Variants in SPHKAP observed in about 807,000 individuals in gnomAD.
SPHKAP encodes the protein A-kinase anchor protein SPHKAP.
A neutral mutation model predicts 137.5 loss-of-function variants in SPHKAP; 67 were observed. The ratio of observed to expected loss-of-function variants is 0.49; its 90% CI spans 0.40 to 0.60. The LOEUF (loss-of-function observed/expected upper bound fraction) is 0.60, where lower values mean the gene tolerates loss of function less well. Among genes scored for constraint, SPHKAP ranks in the 20% least tolerant of loss-of-function variants. The probability of loss-of-function intolerance (pLI) is 0.00; values close to 1 mark genes in which losing one functional copy is unlikely to be tolerated. For synonymous variants in SPHKAP, 813 were observed against 785.3 expected, an observed-to-expected ratio of 1.04 and a Z score of -0.59; for missense variants, 2,097 against 2,069.3, an observed-to-expected ratio of 1.01 and a Z score of -0.26.
At chr2:228,162,887 T>C (rs1230001992) in intron 1 of SPHKAP, among the ~76,000 whole-genome samples, 1 of 152,082 alleles carries the variant, frequency 6.6e-6, no homozygotes, top group African/African-American at 2.4e-5. Context: ...TTAGTAGAGA[T>C]GGGGTTTCAC....
At chr2:228,100,127 A>C (rs557933886) in intron 3 of SPHKAP, among the ~76,000 whole-genome samples, 1 of 152,116 alleles carries the variant, frequency 6.6e-6, no homozygotes, top group Non-Finnish European at 1.5e-5. Context: ...TGGGATTACA[A>C]GCGTGAGCCA....
chr2:227,982,415 G>T, intron 11 of SPHKAP: 1 of 964,270 alleles, frequency 1.0e-6, no homozygotes, highest in Non-Finnish European at 1.2e-6. Flanking sequence ...ACAGGATCAG[G>T]AAAGATGGAG....
intron 3 of SPHKAP, among the ~76,000 whole-genome samples, chr2:228,037,795 G>A (rs1313552753): frequency 6.6e-6 from 1 of 152,120 alleles, no homozygotes; most frequent in Non-Finnish European, 1.5e-5. Context: ...CTGTCCCAAG[G>A]GCCTTGAAAC....
intron 1 of SPHKAP, among the ~76,000 whole-genome samples, chr2:228,161,754 G>A (rs906601635): frequency 4.6e-5 from 7 of 150,772 alleles, no homozygotes; most frequent in African/African-American, 1.7e-4. Context: ...TTGCTTAGAA[G>A]TACAAATCCA....
In SPHKAP at chr2:228,132,059, T is replaced by G. The variant is rs762801081; in HGVS notation, c.59A>C (p.Asp20Ala). Reference protein sequence around the residue: ...PSNLESSRMYDVLEPQQGRGC... With the variant: ...PSNLESSRMYAVLEPQQGRGC... Reference sequence around the variant, plus strand: ...TCTGCCCTGCTGCGGTTCCAAAACGTCATACATCCGTGATGACTCCAAGTT... The same window carrying G: ...TCTGCCCTGCTGCGGTTCCAAAACGGCATACATCCGTGATGACTCCAAGTT... Residue 20 changes from aspartate (D) to alanine (A), a missense_variant, in exon 2 of 12, where the codon GAC (aspartate) becomes GCC (alanine). Asp to Ala is a moderately radical substitution (Grantham distance 126). Transcript: ENST00000392056. 8.1e-6 allele frequency: 13 copies of G among 1,613,886 alleles called. No individual in the cohort carries two copies. Among genetic ancestry groups the G allele is most frequent in the Non-Finnish European group, 1.0e-5 (12 of 1,179,980 alleles).
intron 7 of SPHKAP, among the ~76,000 whole-genome samples, chr2:228,015,691 C>G (rs1340419179): frequency 6.6e-6 from 1 of 152,146 alleles, no homozygotes; most frequent in African/African-American, 2.4e-5. Context: ...AATAACAATA[C>G]TTCAGTGTTG....
At chr2:228,116,028 C>T (rs559792266) in intron 2 of SPHKAP, among the ~76,000 whole-genome samples, 11 of 152,244 alleles carry the variant, frequency 7.2e-5, no homozygotes, top group Middle Eastern at 3.4e-3. Flanking sequence ...AATGAGCCTT[C>T]ATCAGACACT....
At chr2:228,043,110 A>G (rs528516038) in intron 3 of SPHKAP, among the ~76,000 whole-genome samples, 4 of 152,234 alleles carry the variant, frequency 2.6e-5, no homozygotes, top group African/African-American at 9.6e-5. Context: ...AATTTCAAAA[A>G]TGAATAATGC....
intron 1 of SPHKAP, among the ~76,000 whole-genome samples, chr2:228,151,672 T>G (rs577696516): frequency 2.2e-4 from 33 of 152,298 alleles, no homozygotes; most frequent in Admixed American, 7.2e-4. Context: ...TTTGATAGTT[T>G]AAAAAAATTT....
intron 2 of SPHKAP, among the ~76,000 whole-genome samples, chr2:228,119,351 G>A (rs1024796308): frequency 6.6e-6 from 1 of 152,082 alleles, no homozygotes; most frequent in African/African-American, 2.4e-5. Flanking sequence ...AGCATTCTAA[G>A]AGTCTACAAA....
At chr2:228,109,588 T>C (rs1698452122) in intron 2 of SPHKAP, among the ~76,000 whole-genome samples, 2 of 152,214 alleles carry the variant, frequency 1.3e-5, no homozygotes, top group Non-Finnish European at 2.9e-5. Flanking sequence ...TCTTGGATTC[T>C]TAAAGCAAGG....
chr2:228,172,324 A>G (rs1700609014), intron 1 of SPHKAP, among the ~76,000 whole-genome samples: 1 of 152,166 alleles, frequency 6.6e-6, no homozygotes, highest in South Asian at 2.1e-4. Context: ...TTCACACTCC[A>G]TGTCTCTAGG....
chr2:228,168,429 C>G (rs1700483768), intron 1 of SPHKAP, among the ~76,000 whole-genome samples: 1 of 152,082 alleles, frequency 6.6e-6, no homozygotes, highest in Non-Finnish European at 1.5e-5. Flanking sequence ...CTGTGTGTTA[C>G]GTTTTGAAAA....
chr2:228,072,066 T>C (rs901118646), intron 3 of SPHKAP, among the ~76,000 whole-genome samples: 3 of 152,138 alleles, frequency 2.0e-5, no homozygotes, highest in Non-Finnish European at 2.9e-5. Flanking sequence ...AGGACCCTAA[T>C]AGAATAAAAA....
chr2:228,148,737 C>T (rs527702982), intron 1 of SPHKAP, among the ~76,000 whole-genome samples: 34 of 151,984 alleles, frequency 2.2e-4, no homozygotes, highest in African/African-American at 7.2e-4. Flanking sequence ...ACATGGCTGA[C>T]GGAGAGGACC....
At chr2:228,153,830 T>C (rs1423443223) in intron 1 of SPHKAP, among the ~76,000 whole-genome samples, 1 of 152,132 alleles carries the variant, frequency 6.6e-6, no homozygotes, top group Non-Finnish European at 1.5e-5. Flanking sequence ...TCTGACAGTG[T>C]TGGGAAAAAC....
At chr2:228,031,903 C>T (rs190536643) in intron 3 of SPHKAP, among the ~76,000 whole-genome samples, 174 of 152,184 alleles carry the variant, frequency 1.1e-3, no homozygotes, top group African/African-American at 3.9e-3. Context: ...TTATCAAAGA[C>T]CAAAAGTAGA....
intron 7 of SPHKAP, among the ~76,000 whole-genome samples, chr2:228,007,858 T>C (rs1694202240): frequency 6.6e-6 from 1 of 152,092 alleles, no homozygotes; most frequent in Non-Finnish European, 1.5e-5. Flanking sequence ...GATAGCCACA[T>C]AGAGAAGACT....
chr2:228,014,912 A>T lies in SPHKAP; in HGVS notation c.4448+1494T>A, dbSNP rs28658059. ...TTTTTATTTTGTTTTCCTGTTTTTT[A>T]AATTTAATTTTATTATTATTATCAT... On this transcript the variant is annotated intron_variant, in intron 7 of 11. Transcript: ENST00000392056. Among the ~76,000 whole-genome samples, 611 of 152,048 alleles carry T rather than the reference A, an allele frequency of 4.0e-3. 5 individuals carry two copies. Among genetic ancestry groups the T allele is most frequent in the African/African-American group, 0.014 (572 of 41,504 alleles).
Sources: allele counts gnomAD v4.1 joint callset (sites outside exome capture counted in the v4.1 genomes callset), GRCh38; gene constraint gnomAD v4.1.1; transcripts MANE v1.5; gene names NCBI Gene and HGNC (gene_info 2026-07-23, HGNC 2026-07-21).